Variants in PDSS2 observed in about 807,000 individuals in gnomAD.
PDSS2 encodes the protein all trans-polyprenyl-diphosphate synthase PDSS2.
Under a neutral mutation model 44.5 loss-of-function variants are expected in PDSS2, and 31 were observed. That is an observed-to-expected ratio of 0.70 (90% CI 0.52 to 0.94). PDSS2 has a LOEUF of 0.94. PDSS2 is among the 40% of genes least tolerant of loss of function. The pLI is 0.00. For missense variants in PDSS2, 452 were observed against 482.2 expected (o/e 0.94, Z 0.59); for synonymous variants, 157 against 180.3 (o/e 0.87, Z 1.03).
chr6:107,435,102 T>G lies in PDSS2; in HGVS notation c.296+23888A>C, dbSNP rs147984685. Among the ~76,000 whole-genome samples, 43 of 151,920 alleles carry G rather than the reference T, an allele frequency of 2.8e-4. 2 individuals carry two copies. In the East Asian group the frequency reaches 8.0e-3, roughly 28 times the overall value. On this transcript the variant is annotated intron_variant, in intron 1 of 7. Coordinates refer to ENST00000369037, the MANE Select transcript of PDSS2 (RefSeq NM_020381.4). Reference sequence around the variant, plus strand: ...GACCAGCCTGGGCAACACAGCAAGATCTCATCTCTTAAAAAAAAATTAATC... The same window carrying G: ...GACCAGCCTGGGCAACACAGCAAGAGCTCATCTCTTAAAAAAAAATTAATC...
intron 2 of PDSS2, among the ~76,000 whole-genome samples, chr6:107,323,452 C>T (rs1032707383): frequency 1.3e-5 from 2 of 152,094 alleles, no homozygotes; most frequent in African/African-American, 4.8e-5. Flanking sequence ...TGGTTTGAAG[C>T]CCATCATTGC....
chr6:107,330,098 C>CAG (rs1777667534), intron 2 of PDSS2, among the ~76,000 whole-genome samples: 1 of 151,852 alleles, frequency 6.6e-6, no homozygotes, highest in Non-Finnish European at 1.5e-5. Flanking sequence ...TCTTCTCATA[C>CAG]ATCTAGTCTG....
intron 2 of PDSS2, among the ~76,000 whole-genome samples, chr6:107,284,591 G>A (rs1369572268): frequency 3.3e-5 from 5 of 151,088 alleles, no homozygotes; most frequent in Admixed American, 3.3e-4. Context: ...AACCCGGGAG[G>A]AGGAGGTTAC....
intron 2 of PDSS2, among the ~76,000 whole-genome samples, chr6:107,314,295 A>G (rs556343034): frequency 5.9e-5 from 9 of 152,282 alleles, no homozygotes; most frequent in South Asian, 4.1e-4. Flanking sequence ...GGGAAGCTCC[A>G]AATACTCTAT....
intron 1 of PDSS2, among the ~76,000 whole-genome samples, chr6:107,388,479 C>A (rs975176498): frequency 7.0e-6 from 1 of 142,872 alleles, no homozygotes; most frequent in South Asian, 2.2e-4. Context: ...GACGGAGTCT[C>A]GCTCTGTCGC....
intron 2 of PDSS2, among the ~76,000 whole-genome samples, chr6:107,315,614 AAG>A (rs1373631119): frequency 1.3e-5 from 2 of 152,224 alleles, no homozygotes; most frequent in Non-Finnish European, 2.9e-5. Context: ...GAAAGAAAGA[AAG>A]AAAGCATATC....
At chr6:107,400,571 T>C (rs1780076160) in intron 1 of PDSS2, among the ~76,000 whole-genome samples, 1 of 152,174 alleles carries the variant, frequency 6.6e-6, no homozygotes, top group South Asian at 2.1e-4. Context: ...CTCAGCTTGC[T>C]GCAAGAGGTG....
At chr6:107,310,005 G>A (rs1007468224) in intron 2 of PDSS2, among the ~76,000 whole-genome samples, 1 of 152,138 alleles carries the variant, frequency 6.6e-6, no homozygotes. Flanking sequence ...GCAAATTCAG[G>A]CTGGGTGTGG....
chr6:107,211,503 G>A (rs544144793), intron 5 of PDSS2, among the ~76,000 whole-genome samples: 53 of 151,600 alleles, frequency 3.5e-4, no homozygotes, highest in African/African-American at 8.2e-4. Flanking sequence ...AGGCCAAGGC[G>A]GGCAGATCAC....
chr6:107,264,141 T>A (rs1775333745), intron 3 of PDSS2: 4 of 603,954 alleles, frequency 6.6e-6, no homozygotes, highest in Non-Finnish European at 6.6e-6. Context: ...CAATTTAACA[T>A]GAATTTGGAA....
At chr6:107,158,492 A>G (rs1230941030) in intron 7 of PDSS2, among the ~76,000 whole-genome samples, 1 of 151,842 alleles carries the variant, frequency 6.6e-6, no homozygotes, top group East Asian at 2.0e-4. Context: ...GCCAGAGGCC[A>G]GGTTTTCTAA....
At chr6:107,160,426 G>A (rs1771082581) in intron 7 of PDSS2, among the ~76,000 whole-genome samples, 1 of 152,058 alleles carries the variant, frequency 6.6e-6, no homozygotes, top group Admixed American at 6.6e-5. Flanking sequence ...ATGGTTCACT[G>A]TAGCCTCTAC....
At chr6:107,337,354 T>C (rs1777938109) in intron 1 of PDSS2, among the ~76,000 whole-genome samples, 1 of 152,200 alleles carries the variant, frequency 6.6e-6, no homozygotes, top group African/African-American at 2.4e-5. Flanking sequence ...ACATACACTT[T>C]TAAACATTAT....
At chr6:107,291,188 TTAGA>T (rs1776334052) in intron 2 of PDSS2, among the ~76,000 whole-genome samples, 1 of 152,150 alleles carries the variant, frequency 6.6e-6, no homozygotes, top group Admixed American at 6.5e-5. Flanking sequence ...GTTGTGATAA[TTAGA>T]TAAACATAAG....
intron 4 of PDSS2, among the ~76,000 whole-genome samples, chr6:107,219,291 A>C (rs895431504): frequency 2.6e-5 from 4 of 151,914 alleles, no homozygotes; most frequent in Non-Finnish European, 4.4e-5. Flanking sequence ...GCGTGAATTT[A>C]TTTTATTTAT....
chr6:107,365,883 C>A (rs1043209413), intron 1 of PDSS2, among the ~76,000 whole-genome samples: 1 of 151,870 alleles, frequency 6.6e-6, no homozygotes, highest in Admixed American at 6.6e-5. Flanking sequence ...ACAATAGAGA[C>A]CCCAAATGAA....
intron 3 of PDSS2, among the ~76,000 whole-genome samples, chr6:107,248,242 G>C (rs1321490448): frequency 6.6e-6 from 1 of 151,930 alleles, no homozygotes; most frequent in Non-Finnish European, 1.5e-5. Context: ...TCAGATTCTT[G>C]AGGAGTGACA....
At chr6:107,334,068 AT>A in intron 2 of PDSS2, 129 bp downstream of exon 2, 2 of 872,572 alleles carry the variant, frequency 2.3e-6, no homozygotes, top group Non-Finnish European at 3.7e-6. Flanking sequence ...ATAAAAATCC[AT>A]TTTTAACCTT....
At chr6:107,289,483 C>T (rs1045365494) in intron 2 of PDSS2, among the ~76,000 whole-genome samples, 4 of 151,778 alleles carry the variant, frequency 2.6e-5, no homozygotes, top group Non-Finnish European at 4.4e-5. Context: ...GTGGATTGCT[C>T]GAGCCCAGGA....
Sources: gnomAD v4.1 joint callset for allele counts (sites outside exome capture counted in the v4.1 genomes callset) on GRCh38, gnomAD v4.1.1 for gene constraint, MANE v1.5 for transcripts, NCBI Gene and HGNC (gene_info 2026-07-23, HGNC 2026-07-21) for gene names.